Variants in FOXP4 observed in about 807,000 individuals in gnomAD.
FOXP4 encodes forkhead box protein P4.
In FOXP4, 25 loss-of-function variants were observed where a neutral mutation model predicts 82.6. The observed-to-expected ratio is 0.30, with a 90% CI of 0.22 to 0.42. FOXP4 has a LOEUF of 0.42. FOXP4 is among the 10% of genes least tolerant of loss of function. The pLI, the probability that FOXP4 is intolerant of heterozygous loss-of-function variation, is 1.00. For missense variants in FOXP4, 785 were observed against 900.9 expected (o/e 0.87, Z 1.65); for synonymous variants, 415 against 388.2 (o/e 1.07, Z -0.81).
chr6:41,546,455 G>A lies in FOXP4; in HGVS notation c.-429G>A, dbSNP rs1763617533. 2.0e-5 allele frequency: 3 copies of A among 149,912 alleles called. No individual in the cohort carries two copies. The South Asian group carries it at 5.4e-4, about 27-fold the overall frequency. 9.3% of individuals were successfully genotyped at this position (149,912 alleles called of 1,614,324 possible). A position where few individuals can be genotyped will look rare whatever the true frequency, so the allele number is the denominator to read the frequency against. On this transcript the variant is annotated 5_prime_UTR_variant, in exon 1 of 17. Transcript: ENST00000307972. ...TCCCTGCGGACCGGACAGTGCGGCC[G>A]GCGGCCGGCGGCCGGGACGGAGCCC...
At position 41,591,835 on chromosome 6, in the gene FOXP4, T is replaced by C. The variant is rs564024655; in HGVS notation, c.1536+513T>C. Among the ~76,000 whole-genome samples, 1 of 152,344 alleles carries C rather than the reference T, an allele frequency of 6.6e-6. No individual in the cohort carries two copies. Among genetic ancestry groups the C allele is most frequent in the East Asian group, 1.9e-4 (1 of 5,184 alleles). The stretch of plus-strand genomic sequence containing the variant: ...CAGCCCTCCCCAGCTCTGCCATCCC[T>C]GGCAGGAAGATAATTGTCTCCATCC... On this transcript the variant is annotated intron_variant, in intron 13 of 16. Transcript: ENST00000307972. This position sits in a 1 kb window ranked among gnomAD's most constrained non-coding sequence, Gnocchi z 4.2.
Position 41,594,951 on chromosome 6 carries a change from G to A in FOXP4, c.1618G>A (p.Glu540Lys). ...NVKGAVWTVD[E>K]REYQKRRPPK... ...CAAGGGTGCCGTGTGGACTGTGGAC[G>A]AGCGGGAGTATCAGAAGCGGAGACC... Residue 540 changes from glutamate (E) to lysine (K), a missense_variant, in exon 14 of 17, where the codon GAG (glutamate) becomes AAG (lysine). Physicochemically the swap from Glu to Lys is moderately conservative, Grantham distance 56 (BLOSUM62 1). Around this residue, in one of 3 missense-constraint regions of FOXP4, gnomAD observed 31 missense variants for 79.6 expected, o/e 0.39. Transcript: ENST00000307972. The A allele has an allele frequency of 6.2e-7, 1 of 1,614,208 alleles. No individual in the cohort carries two copies. Among genetic ancestry groups the A allele is most frequent in the Non-Finnish European group, 8.5e-7 (1 of 1,180,038 alleles).
Position 41,597,839 on chromosome 6 carries a change from G to A in FOXP4, c.1784G>A (p.Gly595Asp). The change falls in exon 16 of 17, where the codon GGC becomes GAC. Residue 595 changes from glycine (G) to aspartate (D), a missense_variant. Transcript: ENST00000307972. ...LLNSPGMLNP[G>D]SASSLLPLSH... ...AACAGCCCTGGCATGCTGAACCCTGGCTCCGCCAGCAGCCTGCTGCCCCTC... is the reference window on the plus strand; with the variant it reads ...AACAGCCCTGGCATGCTGAACCCTGACTCCGCCAGCAGCCTGCTGCCCCTC... 1 of 1,604,172 alleles carries A rather than the reference G, an allele frequency of 6.2e-7. No individual in the cohort carries two copies. The highest frequency in any genetic ancestry group is 2.2e-5 in the East Asian group (1 of 44,722).
chr6:41,584,683 TCTGCCACG>T (rs1326630927), intron 3 of FOXP4, 78 bp from the exon 4 acceptor site: 1 of 1,442,574 alleles, frequency 6.9e-7, no homozygotes, highest in African/African-American at 1.4e-5. Context: ...TGGGAGCCAC[TCTGCCACG>T]CTGAGAGTGG....
intron 9 of FOXP4, 54 bp from the exon 10 acceptor site, chr6:41,589,717 A>G (rs1436453728): frequency 3.2e-6 from 5 of 1,563,320 alleles, no homozygotes; most frequent in Non-Finnish European, 4.4e-6. Flanking sequence ...GTGGGACAAC[A>G]CTGCCTCCAG....
At chr6:41,573,157 C>T (rs191776614) in intron 2 of FOXP4, among the ~76,000 whole-genome samples, 3 of 152,282 alleles carry the variant, frequency 2.0e-5, no homozygotes, top group South Asian at 2.1e-4. Flanking sequence ...GGCACCCCAA[C>T]ACAGATCTGG....
rs140387832 is a variant in FOXP4, at chr6:41,589,822, C to G, written c.1117C>G (p.Arg373Gly). The change falls in exon 10 of 17, where the codon CGG (arginine) becomes GGG (glycine). Residue 373 changes from arginine (R) to glycine (G), a missense_variant. This residue lies in a region of FOXP4 where 570 missense variants were observed against 634.0 expected (regional missense o/e 0.90). Coordinates refer to ENST00000307972, the MANE Select transcript of FOXP4 (RefSeq NM_001012426.2). The part of the protein sequence containing the change: ...LQAMMAHLHM[R>G]PSEPKPFSQP... ...GGCCATGATGGCCCACCTGCACATGCGGCCCTCGGAGCCCAAGCCCTTCAG... is the reference window on the plus strand; with the variant it reads ...GGCCATGATGGCCCACCTGCACATGGGGCCCTCGGAGCCCAAGCCCTTCAG... The G allele has an allele frequency of 1.2e-6, 2 of 1,610,710 alleles. No homozygotes were observed. The highest frequency in any genetic ancestry group is 1.3e-5 in the African/African-American group (1 of 75,014).
chr6:41,575,360 C>A (rs897790767), intron 2 of FOXP4, among the ~76,000 whole-genome samples: 1 of 152,178 alleles, frequency 6.6e-6, no homozygotes, highest in Non-Finnish European at 1.5e-5. Context: ...TATCCCCAGC[C>A]CCTAGCCTGG....
chr6:41,590,662 C>G (rs1351490576), intron 12 of FOXP4, among the ~76,000 whole-genome samples: 3 of 152,170 alleles, frequency 2.0e-5, no homozygotes, highest in Admixed American at 1.3e-4. Flanking sequence ...TCGTCTCTCT[C>G]CTTTGTCTTT....
intron 1 of FOXP4, among the ~76,000 whole-genome samples, chr6:41,555,522 C>T (rs1430093283): frequency 6.6e-6 from 1 of 152,202 alleles, no homozygotes; most frequent in Admixed American, 6.5e-5. Context: ...TTGTCCCAGG[C>T]CCTCTAGAGC....
At chr6:41,579,187 T>C (rs1262018905) in intron 3 of FOXP4, among the ~76,000 whole-genome samples, 1 of 152,086 alleles carries the variant, frequency 6.6e-6, no homozygotes, top group East Asian at 1.9e-4. Context: ...CCTCTTAAAA[T>C]TCTTGACCCT....
rs1283715576 is a variant in FOXP4, at chr6:41,598,959, C to T, written c.*23C>T. 3.2e-6 allele frequency: 5 copies of T among 1,552,912 alleles called. No homozygotes were observed. Among genetic ancestry groups the T allele is most frequent in the Admixed American group, 4.0e-5 (2 of 49,472 alleles). ...TAAGGGCCTGTAGTGACCGGCAGGG[C>T]TGGGGTGAGACCCCTCCCTTCCAGA... On this transcript the variant is annotated 3_prime_UTR_variant, in exon 17 of 17. Transcript: ENST00000307972.
intron 2 of FOXP4, among the ~76,000 whole-genome samples, chr6:41,573,676 T>C (rs1765322194): frequency 6.6e-6 from 1 of 152,124 alleles, no homozygotes; most frequent in African/African-American, 2.4e-5. Flanking sequence ...GGCAGTGTGC[T>C]AAGTACTCCA....
In FOXP4 at chr6:41,598,808, G is replaced by A; in HGVS notation, c.1915G>A (p.Glu639Lys). The A allele has an allele frequency of 3.8e-6, 6 of 1,566,044 alleles. 1 individual carries two copies. The South Asian group carries it at 5.9e-5, about 15-fold the overall frequency. Residue 639 changes from glutamate to lysine, a missense_variant, in exon 17 of 17, where the codon GAG becomes AAG. Transcript: ENST00000307972. ...PQYSHQVQVK[E>K]EPAEAEEDRQ... is the part of the protein sequence containing the mutation. ...CCTCAGCCACCAGGTGCAGGTGAAG[G>A]AGGAGCCAGCAGAGGCAGAGGAAGA...
intron 1 of FOXP4, among the ~76,000 whole-genome samples, chr6:41,563,126 A>G (rs933363109): frequency 6.6e-6 from 1 of 152,204 alleles, no homozygotes. Context: ...GAACATACAG[A>G]GAAATTCACA....
intron 15 of FOXP4, 68 bp from the exon 16 acceptor site, chr6:41,597,713 A>G: frequency 6.5e-7 from 1 of 1,542,026 alleles, no homozygotes; most frequent in Non-Finnish European, 8.7e-7. Context: ...CGGGGAAGGC[A>G]CAGCACTTGA....
chr6:41,597,362 C>G, intron 15 of FOXP4, 120 bp downstream of exon 15: 2 of 1,056,662 alleles, frequency 1.9e-6, no homozygotes, highest in Non-Finnish European at 2.8e-6. Context: ...GGTGAAGACC[C>G]AAACTCTCCG....
At chr6:41,578,780 C>T (rs1213168132) in intron 3 of FOXP4, among the ~76,000 whole-genome samples, 1 of 151,976 alleles carries the variant, frequency 6.6e-6, no homozygotes, top group Non-Finnish European at 1.5e-5. Flanking sequence ...GGGAGAATTG[C>T]AGTCTGAGTC....
chr6:41,585,540 A>C, intron 5 of FOXP4, 23 bp downstream of exon 5: 1 of 1,606,854 alleles, frequency 6.2e-7, no homozygotes, highest in Non-Finnish European at 8.5e-7. Flanking sequence ...ACCAGGGCCC[A>C]CCACCGCCCT....
Sources: allele counts gnomAD v4.1 joint callset (sites outside exome capture counted in the v4.1 genomes callset), GRCh38; gene constraint gnomAD v4.1.1; regional missense constraint gnomAD v4.1.1; non-coding constraint Gnocchi (gnomAD v3.1); transcripts MANE v1.5; gene names NCBI Gene and HGNC (gene_info 2026-07-23, HGNC 2026-07-21).